TRIM2: variants seen among roughly 807,000 people sequenced by gnomAD.
TRIM2 encodes the protein tripartite motif-containing protein 2.
A neutral mutation model predicts 75.2 loss-of-function variants in TRIM2; 20 were observed. That is an observed-to-expected ratio of 0.27 (90% confidence interval 0.19 to 0.39). The LOEUF is 0.39. Ranked by LOEUF, TRIM2 falls within the 10% of genes least tolerant of loss-of-function variation. The probability of loss-of-function intolerance (pLI) is 1.00; values close to 1 mark genes in which losing one functional copy is unlikely to be tolerated. For synonymous variants in TRIM2, 373 were observed against 388.3 expected, an observed-to-expected ratio of 0.96 and a Z score of 0.46; for missense variants, 660 against 990.8, an observed-to-expected ratio of 0.67 and a Z score of 4.48.
chr4:153,228,485 G>A (rs1192106287), intron 1 of TRIM2, among the ~76,000 whole-genome samples: 1 of 152,206 alleles, frequency 6.6e-6, no homozygotes, highest in Non-Finnish European at 1.5e-5. Flanking sequence ...TTCGGATCTG[G>A]GTTGCTGCAG....
chr4:153,271,734 G>A (rs1756716025), intron 2 of TRIM2, among the ~76,000 whole-genome samples: 1 of 152,134 alleles, frequency 6.6e-6, no homozygotes, highest in Non-Finnish European at 1.5e-5. Context: ...CTTAATGGGT[G>A]CACCTAAAAC....
chr4:153,228,593 C>T (rs1742783271), intron 1 of TRIM2, among the ~76,000 whole-genome samples: 1 of 152,260 alleles, frequency 6.6e-6, no homozygotes, highest in South Asian at 2.1e-4. Flanking sequence ...AGAATATGGT[C>T]TCCAGACTCC....
At chr4:153,194,228 C>T (rs751393465) in intron 1 of TRIM2, among the ~76,000 whole-genome samples, 1 of 152,180 alleles carries the variant, frequency 6.6e-6, no homozygotes, top group Admixed American at 6.5e-5. Context: ...AATCTCTCAT[C>T]TCTCCCCTAA....
chr4:153,322,851 T>C, intron 9 of TRIM2, 35 bp downstream of exon 9: 2 of 1,611,940 alleles, frequency 1.2e-6, no homozygotes, highest in Non-Finnish European at 1.7e-6. Flanking sequence ...CCCCCTTTTT[T>C]ATGCTTCTTC....
At chr4:153,199,702 A>G (rs946080749), upstream of TRIM2, among the ~76,000 whole-genome samples, 1 of 152,196 alleles carries the variant, frequency 6.6e-6, no homozygotes, top group Admixed American at 6.6e-5. Context: ...AGCTTAATAG[A>G]TGCTGAGTGA....
chr4:153,229,782 A>G (rs1743123040), intron 1 of TRIM2, among the ~76,000 whole-genome samples: 2 of 152,186 alleles, frequency 1.3e-5, no homozygotes, highest in Non-Finnish European at 2.9e-5. Context: ...TATTCTTGGC[A>G]TCTTTGGTGC....
intron 6 of TRIM2, among the ~76,000 whole-genome samples, chr4:153,299,021 G>A (rs899744088): frequency 6.6e-6 from 1 of 152,110 alleles, no homozygotes; most frequent in South Asian, 2.1e-4. Flanking sequence ...TTACCGGCGT[G>A]AGCCACCATG....
chr4:153,190,557 C>A (rs890570524), intron 1 of TRIM2, among the ~76,000 whole-genome samples: 1 of 151,880 alleles, frequency 6.6e-6, no homozygotes, highest in East Asian at 1.9e-4. Context: ...TTATGGGGCC[C>A]GACTCCAGAA....
At chr4:153,300,136 A>G (rs1763565631) in intron 6 of TRIM2, among the ~76,000 whole-genome samples, 1 of 152,190 alleles carries the variant, frequency 6.6e-6, no homozygotes, top group African/African-American at 2.4e-5. Flanking sequence ...TGATAATTGT[A>G]TTTTTAATTT....
intron 6 of TRIM2, among the ~76,000 whole-genome samples, chr4:153,300,454 T>A (rs1249581644): frequency 6.6e-6 from 1 of 152,198 alleles, no homozygotes; most frequent in Non-Finnish European, 1.5e-5. Context: ...TAATTTTTTC[T>A]TTTGTGTTTT....
chr4:153,255,714 G>A (rs540906206), intron 1 of TRIM2, among the ~76,000 whole-genome samples: 8 of 152,336 alleles, frequency 5.3e-5, no homozygotes, highest in Admixed American at 1.3e-4. Flanking sequence ...TCCATCGACT[G>A]ATGAACAGAT....
At chr4:153,245,285 A>T (rs1036526443) in intron 1 of TRIM2, among the ~76,000 whole-genome samples, 5 of 152,234 alleles carry the variant, frequency 3.3e-5, no homozygotes, top group Non-Finnish European at 4.4e-5. Flanking sequence ...TTTTTCATTT[A>T]CGAGGTTTTT....
At chr4:153,218,184 G>C (rs1739005805) in intron 1 of TRIM2, among the ~76,000 whole-genome samples, 2 of 152,186 alleles carry the variant, frequency 1.3e-5, no homozygotes, top group Non-Finnish European at 2.9e-5. Context: ...TGTATGTCTG[G>C]CAATGGATTT....
intron 1 of TRIM2, among the ~76,000 whole-genome samples, chr4:153,260,838 ATGGG>A (rs1753383102): frequency 6.6e-6 from 1 of 151,912 alleles, no homozygotes; most frequent in South Asian, 2.1e-4. Context: ...TTAACTGGAA[ATGGG>A]TCACCCTGTT....
rs1740157376 is a variant in TRIM2 at position 153,221,797 on chromosome 4, A to C, written c.30+17237A>C. On this transcript the variant is annotated intron_variant, in intron 1 of 11. Transcript: ENST00000338700. ...AAGGAAAGAAGAAAAGGAAGGAAAG[A>C]GCGAGGAAGGAAGGGAGGGAGGGAG... 1.4e-3 allele frequency among the ~76,000 whole-genome samples: 117 copies of C among 85,796 alleles called. 1 individual carries two copies. The highest frequency in any genetic ancestry group is 6.9e-3 in the African/African-American group (115 of 16,550). 56.3% of individuals were successfully genotyped at this position (85,796 alleles called of 152,430 possible).
intron 1 of TRIM2, among the ~76,000 whole-genome samples, chr4:153,219,226 T>C (rs1739312668): frequency 6.6e-6 from 1 of 152,160 alleles, no homozygotes; most frequent in South Asian, 2.1e-4. Context: ...GAATCCAAAG[T>C]TTCAGAGTGC....
chr4:153,313,521 C>A (rs1766815653), intron 6 of TRIM2, among the ~76,000 whole-genome samples: 2 of 152,012 alleles, frequency 1.3e-5, no homozygotes, highest in African/African-American at 4.8e-5. Flanking sequence ...AGTCTATTCC[C>A]AAACAGTGCT....
rs764909801 is a variant in TRIM2 at position 153,295,528 on chromosome 4, G to T, written c.1002G>T (p.Gly334=). 2 of 1,613,556 alleles carry T rather than the reference G, an allele frequency of 1.2e-6. No homozygotes were observed. The highest frequency in any genetic ancestry group is 8.5e-7 in the Non-Finnish European group (1 of 1,179,610). The change falls in exon 6 of 12, where the codon GGG becomes GGT. Residue 334 remains glycine (G), a synonymous_variant. Transcript: ENST00000338700. This position sits in a 1 kb window ranked among gnomAD's most constrained non-coding sequence, Gnocchi z 7.2. Reference sequence around the variant, plus strand: ...TGGATTTCATCGTGGAAACCGAGGGGCTGAAGAAGTCCATCCACAACCTCG... The same window carrying T: ...TGGATTTCATCGTGGAAACCGAGGGTCTGAAGAAGTCCATCCACAACCTCG... ...DQLDFIVETE[G]LKKSIHNLGT...
At chr4:153,327,305 G>C (rs969179301) in intron 10 of TRIM2, among the ~76,000 whole-genome samples, 11 of 152,192 alleles carry the variant, frequency 7.2e-5, no homozygotes, top group African/African-American at 4.8e-5. Flanking sequence ...AGCCTGTAGA[G>C]ATGGAAGTGT....
Sources: allele counts gnomAD v4.1 joint callset (sites outside exome capture counted in the v4.1 genomes callset), GRCh38; gene constraint gnomAD v4.1.1; non-coding constraint Gnocchi (gnomAD v3.1); transcripts MANE v1.5; gene names NCBI Gene and HGNC (gene_info 2026-07-23, HGNC 2026-07-21).